Variants in STAB2 observed in about 807,000 individuals in gnomAD.
STAB2 encodes stabilin-2.
A neutral mutation model predicts 338.1 loss-of-function variants in STAB2; 288 were observed. The observed-to-expected ratio is 0.85, with a 90% CI of 0.77 to 0.94. The LOEUF (loss-of-function observed/expected upper bound fraction) is 0.94, where lower values mean the gene tolerates loss of function less well. STAB2 is among the 40% of genes least tolerant of loss of function. The pLI, the probability that STAB2 is intolerant of heterozygous loss-of-function variation, is 0.00. For synonymous variants in STAB2, 1,202 were observed against 1,193.3 expected (o/e 1.01, Z -0.15); for missense variants, 3,141 against 3,210.1 (o/e 0.98, Z 0.52).
At position 103,759,057 on chromosome 12, in the gene STAB2, C is replaced by T. The variant is rs1041032833; in HGVS notation, c.7108-76C>T. The T allele has an allele frequency of 1.2e-5, 20 of 1,609,532 alleles. 1 individual carries two copies. Among genetic ancestry groups the T allele is most frequent in the East Asian group, 4.5e-5 (2 of 44,786 alleles). On this transcript the variant is annotated intron_variant, in intron 64 of 68. Coordinates refer to ENST00000388887, the MANE Select transcript of STAB2 (RefSeq NM_017564.10). ...CTAGGCCATGAGAAGCAATTTTCTTCGTCATCCCCATCATTAAAAAGACAA... is the reference window on the plus strand; with the variant it reads ...CTAGGCCATGAGAAGCAATTTTCTTTGTCATCCCCATCATTAAAAAGACAA...
rs766757735 is a variant in STAB2 at position 103,655,477 on chromosome 12, T to C, written c.1630T>C (p.Leu544=). Residue 544 remains leucine (L), a synonymous_variant, in exon 15 of 69, where the codon TTA becomes CTA. Transcript: ENST00000388887. ...LLEETNLGHA[L]DEDGVGGPYT... Reference sequence around the variant, plus strand: ...GCAGGAAACCAATTTGGGACATGCCTTAGATGAGGATGGAGTTGGTGGACC... The same window carrying C: ...GCAGGAAACCAATTTGGGACATGCCCTAGATGAGGATGGAGTTGGTGGACC... The C allele has an allele frequency of 1.2e-6, 2 of 1,613,968 alleles. No homozygotes were observed. Among genetic ancestry groups the C allele is most frequent in the African/African-American group, 2.7e-5 (2 of 74,904 alleles).
intron 3 of STAB2, among the ~76,000 whole-genome samples, chr12:103,614,266 T>C (rs572403234): frequency 6.6e-6 from 1 of 152,308 alleles, no homozygotes; most frequent in Admixed American, 6.5e-5. Flanking sequence ...GTGTTAGAGA[T>C]TTGTTGCCAT....
chr12:103,672,845 A>G (rs547964011), intron 22 of STAB2, among the ~76,000 whole-genome samples: 11 of 152,342 alleles, frequency 7.2e-5, no homozygotes, highest in Admixed American at 3.3e-4. Context: ...ATGCCAGTTC[A>G]TATAATGATC....
chr12:103,626,044 C>T (rs1021530829), intron 5 of STAB2, among the ~76,000 whole-genome samples: 3 of 152,130 alleles, frequency 2.0e-5, no homozygotes, highest in Non-Finnish European at 1.5e-5. Flanking sequence ...TTTTAATGAT[C>T]GCCATTCTAA....
chr12:103,746,748 G>C (rs1239092951), intron 58 of STAB2, 44 bp downstream of exon 58: 1 of 1,592,166 alleles, frequency 6.3e-7, no homozygotes, highest in Non-Finnish European at 8.6e-7. Flanking sequence ...CATGGTGTGG[G>C]AGAGGAGCAG....
intron 21 of STAB2, among the ~76,000 whole-genome samples, chr12:103,669,858 A>G (rs1329910453): frequency 6.6e-6 from 1 of 152,220 alleles, no homozygotes; most frequent in African/African-American, 2.4e-5. Context: ...TGCGGGCTGC[A>G]GGACGTTGGG....
Position 103,761,352 on chromosome 12 carries a change from C to A in STAB2, c.7301C>A (p.Ala2434Asp). 1 of 1,614,068 alleles carries A rather than the reference C, an allele frequency of 6.2e-7. No individual in the cohort carries two copies. Among genetic ancestry groups the A allele is most frequent in the Non-Finnish European group, 8.5e-7 (1 of 1,179,998 alleles). ...GCCATTCTGCAGTGGGACATCTTTG[C>A]CTCCAATGGGATCATTCATGTCATT... ...GRAILQWDIF[A>D]SNGIIHVISR... Residue 2434 changes from alanine to aspartate, a missense_variant, in exon 66 of 69, where the codon GCC becomes GAC. By Grantham distance (126) the Ala-to-Asp change is moderately radical. Coordinates refer to ENST00000388887, the MANE Select transcript of STAB2 (RefSeq NM_017564.10).
At chr12:103,657,761 C>G (rs1295643152) in intron 15 of STAB2, 1 of 152,180 alleles carries the variant, frequency 6.6e-6, no homozygotes, top group African/African-American at 2.4e-5. Context: ...GTGAGAAGTA[C>G]AATCATTTCT....
intron 3 of STAB2, among the ~76,000 whole-genome samples, chr12:103,613,464 G>A (rs540920847): frequency 7.2e-5 from 11 of 152,292 alleles, no homozygotes; most frequent in Middle Eastern, 3.4e-3. Context: ...GTGAGGCTCC[G>A]TGGACGTAGG....
chr12:103,653,278 A>G (rs934011834), intron 12 of STAB2, among the ~76,000 whole-genome samples: 3 of 152,126 alleles, frequency 2.0e-5, no homozygotes, highest in African/African-American at 7.2e-5. Flanking sequence ...GACCTATACT[A>G]TTACATTTTA....
chr12:103,654,884 A>G, intron 13 of STAB2, 186 bp downstream of exon 13: 1 of 716,156 alleles, frequency 1.4e-6, no homozygotes, highest in Non-Finnish European at 2.2e-6. Flanking sequence ...GAAAGAAAGC[A>G]AGACGTACAG....
intron 13 of STAB2, 67 bp from the exon 14 acceptor site, chr12:103,655,184 T>G: frequency 6.9e-7 from 1 of 1,450,420 alleles, no homozygotes; most frequent in Non-Finnish European, 9.6e-7. Flanking sequence ...CTTTAAATGT[T>G]AGAATTTGTA....
rs79228395 is a variant in STAB2 at position 103,758,892 on chromosome 12, G to A, written c.7108-241G>A. On this transcript the variant is annotated intron_variant, in intron 64 of 68. Coordinates refer to ENST00000388887, the MANE Select transcript of STAB2 (RefSeq NM_017564.10). Reference sequence around the variant, plus strand: ...ATACCTCTGCCTACCTCAAGACACCGCTGGAAAGCTCTGCTCTAGACAATA... The same window carrying A: ...ATACCTCTGCCTACCTCAAGACACCACTGGAAAGCTCTGCTCTAGACAATA... Among the ~76,000 whole-genome samples, 26 of 152,274 alleles carry A rather than the reference G, an allele frequency of 1.7e-4. No homozygotes were observed. In the South Asian group the frequency reaches 4.4e-3, roughly 25 times the overall value.
At chr12:103,735,105 C>G (rs1882004985) in intron 51 of STAB2, among the ~76,000 whole-genome samples, 1 of 152,294 alleles carries the variant, frequency 6.6e-6, no homozygotes, top group Non-Finnish European at 1.5e-5. Context: ...AACTGGGGGT[C>G]AGGACTTCAA....
rs141441891 is a variant in STAB2, at chr12:103,764,204, C to T, written c.7605+596C>T. 1.4e-3 allele frequency among the ~76,000 whole-genome samples: 209 copies of T among 152,314 alleles called. 2 individuals are homozygous for T. Among genetic ancestry groups the T allele is most frequent in the African/African-American group, 4.7e-3 (194 of 41,568 alleles). ...CCAACCTCAGGTGATACGCCCACCT[C>T]GGCCTCCCAAAGTGCTGGGATTACA... On this transcript the variant is annotated intron_variant, in intron 68 of 68. Transcript: ENST00000388887.
rs1395308403 is a variant in STAB2, at chr12:103,730,117, G to A, written c.5084G>A (p.Ser1695Asn). 5.1e-6 allele frequency: 8 copies of A among 1,578,018 alleles called. No homozygotes were observed. In the African/African-American group the frequency reaches 9.5e-5, roughly 19 times the overall value. Reference sequence around the variant, plus strand: ...TTTTTTGTTTTTGGTTGATTTCAGAGCACGGTGTATATAAACAATAAGGCT... The same window carrying A: ...TTTTTTGTTTTTGGTTGATTTCAGAACACGGTGTATATAAACAATAAGGCT... ...GEPIVISVSQSTVYINNKAKI... is the reference protein window; with the variant it reads ...GEPIVISVSQNTVYINNKAKI... Residue 1695 changes from serine to asparagine, a missense_variant and splice_region_variant, in exon 49 of 69, where the codon AGC becomes AAC. Coordinates refer to ENST00000388887, the MANE Select transcript of STAB2 (RefSeq NM_017564.10).
At chr12:103,746,803 T>C (rs566747342) in intron 58 of STAB2, 99 bp downstream of exon 58, 30 of 1,174,724 alleles carry the variant, frequency 2.6e-5, no homozygotes, top group Non-Finnish European at 3.8e-5. Flanking sequence ...CTCCTTCCTG[T>C]CTGGGCCACT....
intron 57 of STAB2, 97 bp from the exon 58 acceptor site, chr12:103,746,500 C>A: frequency 8.9e-7 from 1 of 1,121,600 alleles, no homozygotes; most frequent in Non-Finnish European, 1.4e-6. Flanking sequence ...CTTATGAACA[C>A]AGTGGTCGTC....
intron 47 of STAB2, 48 bp downstream of exon 47, chr12:103,727,398 T>C (rs751611492): frequency 6.3e-7 from 1 of 1,598,974 alleles, no homozygotes; most frequent in Non-Finnish European, 8.6e-7. Flanking sequence ...GGCTGGAACA[T>C]AGTCCTTGGG....
Sources: allele counts gnomAD v4.1 joint callset (sites outside exome capture counted in the v4.1 genomes callset), GRCh38; gene constraint gnomAD v4.1.1; transcripts MANE v1.5; gene names NCBI Gene and HGNC (gene_info 2026-07-23, HGNC 2026-07-21).